Variants in ABTB3 observed in about 807,000 individuals in gnomAD.
The protein encoded by ABTB3 is ankyrin repeat and BTB domain containing 3, also known as ankyrin repeat- and BTB/POZ domain-containing protein 3.
At chr12:107,501,115 C>G in the ABTB3 span, among the ~76,000 whole-genome samples, 1 of 152,134 alleles carries the variant, frequency 6.6e-6, no homozygotes, top group Non-Finnish European at 1.5e-5. Flanking sequence ...ATAACAGCAA[C>G]TGCAGAGGGA....
the ABTB3 span, among the ~76,000 whole-genome samples, chr12:107,637,668 C>G: frequency 6.6e-6 from 1 of 152,042 alleles, no homozygotes; most frequent in African/African-American, 2.4e-5. Flanking sequence ...TGATCAGTGA[C>G]AAGGATCTCA....
chr12:107,655,127 C>A, the ABTB3 span, among the ~76,000 whole-genome samples: 15,415 of 152,056 alleles, frequency 0.1, 932 homozygotes, highest in African/African-American at 0.15. Context: ...CCATTTTAAT[C>A]TCTTCAAGTT....
the ABTB3 span, among the ~76,000 whole-genome samples, chr12:107,546,115 G>A: frequency 1.3e-5 from 2 of 152,024 alleles, no homozygotes. Flanking sequence ...GTGTATTTCT[G>A]TGTTTATTTA....
chr12:107,574,612 C>T, the ABTB3 span, among the ~76,000 whole-genome samples: 3 of 152,180 alleles, frequency 2.0e-5, no homozygotes, highest in African/African-American at 4.8e-5. Flanking sequence ...ATCTCAGCTA[C>T]TTGGGAGGCT....
the ABTB3 span, among the ~76,000 whole-genome samples, chr12:107,638,222 CAG>C: frequency 6.6e-6 from 1 of 152,054 alleles, no homozygotes; most frequent in Non-Finnish European, 1.5e-5. Flanking sequence ...TCTGTACTGA[CAG>C]AGAAAGGTGA....
chr12:107,644,025 C>T, the ABTB3 span, among the ~76,000 whole-genome samples: 1 of 152,100 alleles, frequency 6.6e-6, no homozygotes, highest in African/African-American at 2.4e-5. Flanking sequence ...TGGTTGGCCT[C>T]CCAAAGTGCT....
At chr12:107,642,696 AGC>A in the ABTB3 span, among the ~76,000 whole-genome samples, 1 of 152,176 alleles carries the variant, frequency 6.6e-6, no homozygotes, top group Non-Finnish European at 1.5e-5. Flanking sequence ...GGTTGAGCTC[AGC>A]GTCATCAGGA....
the ABTB3 span, among the ~76,000 whole-genome samples, chr12:107,378,860 G>A: frequency 6.6e-6 from 1 of 152,226 alleles, no homozygotes; most frequent in Non-Finnish European, 1.5e-5. Flanking sequence ...GGTTCCCTAA[G>A]AGGCTGTAAA....
chr12:107,356,160 G>C, the ABTB3 span, among the ~76,000 whole-genome samples: 1 of 152,268 alleles, frequency 6.6e-6, no homozygotes, highest in South Asian at 2.1e-4. Flanking sequence ...TCCACACTTG[G>C]GGGTAGGAAA....
the ABTB3 span, among the ~76,000 whole-genome samples, chr12:107,472,206 G>A: frequency 6.6e-6 from 1 of 152,184 alleles, no homozygotes; most frequent in Non-Finnish European, 1.5e-5. Flanking sequence ...CCAGAGCAAG[G>A]CAGTCACAGT....
the ABTB3 span, among the ~76,000 whole-genome samples, chr12:107,553,216 G>A: frequency 2.6e-4 from 39 of 152,316 alleles, no homozygotes; most frequent in African/African-American, 8.7e-4. Context: ...AATCCAGATT[G>A]ATCTCTTCTT....
the ABTB3 span, among the ~76,000 whole-genome samples, chr12:107,458,530 A>C: frequency 6.6e-6 from 1 of 152,162 alleles, no homozygotes; most frequent in Non-Finnish European, 1.5e-5. Flanking sequence ...GGTGGGGCCA[A>C]TGGGGACCAC....
At chr12:107,543,135 A>G in the ABTB3 span, among the ~76,000 whole-genome samples, 2 of 152,154 alleles carry the variant, frequency 1.3e-5, no homozygotes, top group Non-Finnish European at 1.5e-5. Context: ...TAGGAGTCCA[A>G]GAGCAGCCTG....
the ABTB3 span, among the ~76,000 whole-genome samples, chr12:107,417,679 C>T: frequency 2.0e-5 from 3 of 152,370 alleles, no homozygotes; most frequent in South Asian, 2.1e-4. Context: ...CCGCGCATAG[C>T]GTGTGTACCA....
the ABTB3 span, among the ~76,000 whole-genome samples, chr12:107,488,046 G>C: frequency 4.2e-3 from 644 of 152,120 alleles, 3 homozygotes; most frequent in Admixed American, 7.1e-3. Context: ...ACAGGTGGGA[G>C]GGTGGAAGTT....
chr12:107,642,251 T>TC, the ABTB3 span: 11 of 1,315,998 alleles, frequency 8.4e-6, no homozygotes, highest in Non-Finnish European at 1.2e-5. Context: ...AGCCTGAGGA[T>TC]TGGCCACTTG....
chr12:107,612,027 G>A, the ABTB3 span, among the ~76,000 whole-genome samples: 1 of 152,154 alleles, frequency 6.6e-6, no homozygotes, highest in African/African-American at 2.4e-5. Context: ...AAACCAGTTA[G>A]ATATCTTTTA....
the ABTB3 span, among the ~76,000 whole-genome samples, chr12:107,392,945 G>C: frequency 6.6e-6 from 1 of 152,212 alleles, no homozygotes; most frequent in Non-Finnish European, 1.5e-5. Context: ...CACGCTGAAG[G>C]CTGCAGAAGG....
chr12:107,559,087 G>T, the ABTB3 span, among the ~76,000 whole-genome samples: 10 of 152,336 alleles, frequency 6.6e-5, no homozygotes, highest in East Asian at 1.9e-3. Flanking sequence ...CACAGAGTGG[G>T]TGGGGAAGAG....
Sources: allele counts gnomAD v4.1 joint callset (sites outside exome capture counted in the v4.1 genomes callset), GRCh38; gene constraint gnomAD v4.1.1; transcripts MANE v1.5; gene names NCBI Gene and HGNC (gene_info 2026-07-23, HGNC 2026-07-21).